SDK2: variants seen among roughly 807,000 people sequenced by gnomAD.
The protein encoded by SDK2 is protein sidekick-2.
In SDK2, 105 loss-of-function variants were observed where a neutral mutation model predicts 253.9. That is an observed-to-expected ratio of 0.41 (90% CI 0.35 to 0.49). SDK2 has a LOEUF of 0.49. SDK2 is among the 20% of genes least tolerant of loss of function. The probability of loss-of-function intolerance (pLI) is 0.06; values close to 1 mark genes in which losing one functional copy is unlikely to be tolerated. For missense variants in SDK2, 2,608 were observed against 3,003.0 expected (o/e 0.87, Z 3.07); for synonymous variants, 1,249 against 1,234.9 (o/e 1.01, Z -0.24).
intron 16 of SDK2, among the ~76,000 whole-genome samples, 166 bp downstream of exon 16, chr17:73,419,000 C>T (rs779157394): frequency 1.3e-5 from 2 of 152,150 alleles, no homozygotes; most frequent in Non-Finnish European, 2.9e-5. Context: ...TACTAGGTGT[C>T]CAACCTAAAT....
chr17:73,527,989 G>A (rs2064139748), intron 1 of SDK2, among the ~76,000 whole-genome samples: 2 of 152,100 alleles, frequency 1.3e-5, no homozygotes, highest in African/African-American at 4.8e-5. Context: ...GGAGGGCGGG[G>A]GTTGTCTGAG....
chr17:73,579,473 C>T (rs1051811220), intron 1 of SDK2, among the ~76,000 whole-genome samples: 1 of 152,166 alleles, frequency 6.6e-6, no homozygotes, highest in Non-Finnish European at 1.5e-5. Context: ...AGAGTCTCCC[C>T]GACCCTCACT....
chr17:73,529,081 C>G (rs2064149019), intron 1 of SDK2, among the ~76,000 whole-genome samples: 1 of 152,200 alleles, frequency 6.6e-6, no homozygotes, highest in African/African-American at 2.4e-5. Flanking sequence ...CTGTAAATAC[C>G]TCCTTTAGGG....
intron 6 of SDK2, among the ~76,000 whole-genome samples, chr17:73,440,076 C>T (rs2063402770): frequency 6.6e-6 from 1 of 151,666 alleles, no homozygotes; most frequent in African/African-American, 2.4e-5. Flanking sequence ...TGGCTCCTGA[C>T]CCCTGATCTG....
chr17:73,386,494 G>A lies in SDK2; in HGVS notation c.4449C>T (p.Gly1483=). ...KFRVKATNDI[G]DSEFSEESES... ...CCGACTCCTCGCTGAACTCGCTGTC[G>A]CCAATGTCATTGGTCGCCTTCACTC... Residue 1483 remains glycine (G), a synonymous_variant, in exon 31 of 45, where the codon GGC becomes GGT. Transcript: ENST00000392650. The A allele has an allele frequency of 6.4e-7, 1 of 1,562,468 alleles. No individual in the cohort carries two copies. Among genetic ancestry groups the A allele is most frequent in the Non-Finnish European group, 8.7e-7 (1 of 1,153,250 alleles).
In SDK2 at chr17:73,401,898, G is replaced by T. The variant is rs766968636; in HGVS notation, c.2680+48C>A. ...CCCTTCTGCCTGGGGCGCCCAGCCT[G>T]GCCTTGGGCGGGGGGGGGCAGAAAG... On this transcript the variant is annotated intron_variant, in intron 19 of 44. Coordinates refer to ENST00000392650, the MANE Select transcript of SDK2 (RefSeq NM_001144952.2). 11 of 1,455,498 alleles carry T rather than the reference G, an allele frequency of 7.6e-6. No homozygotes were observed. In the East Asian group the frequency reaches 2.4e-4, roughly 32 times the overall value. 90.2% of individuals were successfully genotyped at this position (1,455,498 alleles called of 1,614,324 possible).
rs754413721 is a variant in SDK2, at chr17:73,358,176, G to C, written c.5496C>G (p.Ile1832Met). 4.4e-6 allele frequency: 7 copies of C among 1,608,934 alleles called. No homozygotes were observed. Among genetic ancestry groups the C allele is most frequent in the Non-Finnish European group, 5.9e-6 (7 of 1,178,552 alleles). The change falls in exon 40 of 45, where the codon ATC becomes ATG. Residue 1832 changes from isoleucine to methionine, a missense_variant. By Grantham distance (10) the Ile-to-Met change is conservative (BLOSUM62 1). Transcript: ENST00000392650. The stretch of plus-strand genomic sequence containing the variant: ...CGATGGCAGAGCTGTACCGCACGAT[G>C]ATGGGCACGCCAGGCGGTCCTGGGG... Reference protein sequence around the residue: ...EGAPGPPGVPIIVRYSSAIAI... With the variant: ...EGAPGPPGVPMIVRYSSAIAI...
Position 73,361,666 on chromosome 17 carries a change from G to A in SDK2, c.5467+18C>T. The A allele has an allele frequency of 1.9e-6, 3 of 1,605,202 alleles. No individual in the cohort carries two copies. The highest frequency in any genetic ancestry group is 2.6e-6 in the Non-Finnish European group (3 of 1,172,726). ...GAACCGCCGTGTGGAAGACATGCCTGGTCCGTTGCTCTCCTACCTTCTCCG... is the reference window on the plus strand; with the variant it reads ...GAACCGCCGTGTGGAAGACATGCCTAGTCCGTTGCTCTCCTACCTTCTCCG... On this transcript the variant is annotated intron_variant, in intron 39 of 44. Coordinates refer to ENST00000392650, the MANE Select transcript of SDK2 (RefSeq NM_001144952.2). The surrounding 1 kb of genome is among the most constrained non-coding windows in gnomAD (Gnocchi z 4.1).
chr17:73,401,694 G>T lies in SDK2; in HGVS notation c.2739C>A (p.Val913=). The T allele has an allele frequency of 6.3e-7, 1 of 1,594,986 alleles. No homozygotes were observed. ...TTTTCTCTCCCGGCTCTTGCCAGCT[G>T]ACCTTCAGCGATGTGTCCAGGATCT... ...FSEILDTSLK[V]SWQEPGEKNG... The change falls in exon 20 of 45, where the codon GTC becomes GTA. Residue 913 remains valine, a synonymous_variant. Transcript: ENST00000392650.
intron 1 of SDK2, among the ~76,000 whole-genome samples, chr17:73,542,424 G>C (rs1402574952): frequency 1.3e-5 from 2 of 152,238 alleles, no homozygotes; most frequent in Non-Finnish European, 2.9e-5. Context: ...TGTTGGTGGA[G>C]GGGGCTGGTG....
chr17:73,395,401 G>C lies in SDK2; in HGVS notation c.3355-9C>G, dbSNP rs768842560. 1 of 1,610,042 alleles carries C rather than the reference G, an allele frequency of 6.2e-7. No homozygotes were observed. Among genetic ancestry groups the C allele is most frequent in the Non-Finnish European group, 8.5e-7 (1 of 1,176,604 alleles). ...TCCATCTCCGGGAGAGGCTGCAGCG[G>C]GGCAGGGGTGGCAAAGCTGCTATGA... On this transcript the variant is annotated splice_polypyrimidine_tract_variant and intron_variant, in intron 24 of 44. Transcript: ENST00000392650. This position sits in a 1 kb window ranked among gnomAD's most constrained non-coding sequence, Gnocchi z 4.3.
rs938085394 is a variant in SDK2, at chr17:73,639,697, G to A, written c.64+4328C>T. Among the ~76,000 whole-genome samples, 2 of 152,174 alleles carry A rather than the reference G, an allele frequency of 1.3e-5. No individual in the cohort carries two copies. Among genetic ancestry groups the A allele is most frequent in the African/African-American group, 4.8e-5 (2 of 41,448 alleles). ...TTCCAACTCAGCCTCCTGCCTCCCA[G>A]AGGGGCTGGGAGTCCGTAGGGACAG... On this transcript the variant is annotated intron_variant, in intron 1 of 44. Transcript: ENST00000392650. The surrounding 1 kb of genome is among the most constrained non-coding windows in gnomAD (Gnocchi z 4.3).
chr17:73,563,624 T>G, intron 1 of SDK2, among the ~76,000 whole-genome samples: 1 of 152,150 alleles, frequency 6.6e-6, no homozygotes, highest in Non-Finnish European at 1.5e-5. Flanking sequence ...CTCTAATATA[T>G]CTATCTCTGA....
At chr17:73,537,257 C>CCCCTT (rs1342950110) in intron 1 of SDK2, among the ~76,000 whole-genome samples, 1 of 152,182 alleles carries the variant, frequency 6.6e-6, no homozygotes, top group Non-Finnish European at 1.5e-5. Flanking sequence ...CTGCCCTGCT[C>CCCCTT]GCCTTGCCCC....
Position 73,598,603 on chromosome 17 carries a change from C to A in SDK2, c.64+45422G>T, listed in dbSNP as rs970990039. 2.0e-5 allele frequency among the ~76,000 whole-genome samples: 3 copies of A among 152,190 alleles called. No homozygotes were observed. In the East Asian group the frequency reaches 5.8e-4, roughly 29 times the overall value. On this transcript the variant is annotated intron_variant, in intron 1 of 44. Coordinates refer to ENST00000392650, the MANE Select transcript of SDK2 (RefSeq NM_001144952.2). The stretch of plus-strand genomic sequence containing the variant: ...GAAACCCATCACTGTCAGTAAATGA[C>A]CCTCCAGGAGAGGAAGCTGCCCAGT...
rs1363787767 is a variant in SDK2 at position 73,336,280 on chromosome 17, T to C, written c.*2307A>G. 6.6e-6 allele frequency: 1 copy of C among 151,384 alleles called. No individual in the cohort carries two copies. Among genetic ancestry groups the C allele is most frequent in the African/African-American group, 2.4e-5 (1 of 41,178 alleles). The allele number at this position is 151,384 out of a possible 1,614,324, so 9.4% of individuals were successfully genotyped here. A position where few individuals can be genotyped will look rare whatever the true frequency, so the allele number is the denominator to read the frequency against. On this transcript the variant is annotated 3_prime_UTR_variant, in exon 45 of 45. Transcript: ENST00000392650. The stretch of plus-strand genomic sequence containing the variant: ...GTGCTGCCATGGAGATGCCAGATGC[T>C]GCAGAGGGTGGGGGCGGAGGTGGCA...
chr17:73,350,701 C>T lies in SDK2; in HGVS notation c.5848G>A (p.Val1950Met), dbSNP rs980554263. 30 of 1,613,588 alleles carry T rather than the reference C, an allele frequency of 1.9e-5. No homozygotes were observed. The highest frequency in any genetic ancestry group is 1.2e-4 in the Admixed American group (7 of 59,950). The change falls in exon 42 of 45, where the codon GTG becomes ATG. Residue 1950 changes from valine (V) to methionine (M), a missense_variant. Transcript: ENST00000392650. Reference protein sequence around the residue: ...GLIFILLLVFVLIIRGQSKKY... With the variant: ...GLIFILLLVFMLIIRGQSKKY... ...TTGCTCTGGCCCCGGATGATGAGCACGAAGACCAGAAGCAGGATGAAGATG... is the reference window on the plus strand; with the variant it reads ...TTGCTCTGGCCCCGGATGATGAGCATGAAGACCAGAAGCAGGATGAAGATG...
chr17:73,397,633 A>C (rs1464296921), intron 24 of SDK2, among the ~76,000 whole-genome samples: 1 of 152,022 alleles, frequency 6.6e-6, no homozygotes, highest in East Asian at 1.9e-4. Context: ...GGATCTGGGG[A>C]CACTCTCTGA....
At chr17:73,631,824 A>G (rs2046274965) in intron 1 of SDK2, among the ~76,000 whole-genome samples, 1 of 152,236 alleles carries the variant, frequency 6.6e-6, no homozygotes, top group Non-Finnish European at 1.5e-5. Flanking sequence ...CATCTAAATG[A>G]AAAAGGCCCC....
Sources: gnomAD v4.1 joint callset for allele counts (sites outside exome capture counted in the v4.1 genomes callset) on GRCh38, gnomAD v4.1.1 for gene constraint, Gnocchi (gnomAD v3.1) non-coding constraint, MANE v1.5 for transcripts, NCBI Gene and HGNC (gene_info 2026-07-23, HGNC 2026-07-21) for gene names.